The following GRIA2 variants were observed in gnomAD, a reference collection of about 807,000 sequenced individuals.
GRIA2 encodes glutamate ionotropic receptor AMPA type subunit 2, also known as glutamate receptor 2.
In GRIA2, 14 loss-of-function variants were observed where a neutral mutation model predicts 97.3. The ratio of observed to expected loss-of-function variants is 0.14; its 90% CI spans 0.10 to 0.23. The LOEUF (loss-of-function observed/expected upper bound fraction) is 0.23. Among genes scored for constraint, GRIA2 ranks in the 10% least tolerant of loss-of-function variants. The pLI, the probability that GRIA2 is intolerant of heterozygous loss-of-function variation, is 1.00. For synonymous variants in GRIA2, 412 were observed against 387.8 expected, an observed-to-expected ratio of 1.06 and a Z score of -0.73; for missense variants, 558 against 1,069.8, an observed-to-expected ratio of 0.52 and a Z score of 6.67.
intron 3 of GRIA2, among the ~76,000 whole-genome samples, chr4:157,310,575 A>G (rs1734036060): frequency 6.6e-6 from 1 of 151,992 alleles, no homozygotes; most frequent in Non-Finnish European, 1.5e-5. Flanking sequence ...ACATCCTGCC[A>G]TCTCATCTGT....
intron 10 of GRIA2, among the ~76,000 whole-genome samples, chr4:157,336,149 T>A (rs1024696687): frequency 6.6e-6 from 1 of 152,026 alleles, no homozygotes; most frequent in Admixed American, 6.6e-5. Flanking sequence ...GCAGTGCAGA[T>A]GTGTAATGAT....
chr4:157,294,850 A>G (rs1283580660), intron 2 of GRIA2, among the ~76,000 whole-genome samples: 1 of 152,122 alleles, frequency 6.6e-6, no homozygotes. Flanking sequence ...TTCAAATTTC[A>G]TCAGGGCATA....
chr4:157,298,089 C>T (rs1305549181), intron 2 of GRIA2, among the ~76,000 whole-genome samples: 3 of 151,852 alleles, frequency 2.0e-5, no homozygotes, highest in East Asian at 3.9e-4. Context: ...TGACTGATGC[C>T]TTTATGTGAT....
At chr4:157,262,492 C>T (rs1369976994) in intron 2 of GRIA2, among the ~76,000 whole-genome samples, 1 of 151,998 alleles carries the variant, frequency 6.6e-6, no homozygotes, top group East Asian at 1.9e-4. Context: ...GTTATGAACT[C>T]CCAACAAATT....
chr4:157,291,894 G>A (rs1163961088), intron 2 of GRIA2, among the ~76,000 whole-genome samples: 1 of 151,730 alleles, frequency 6.6e-6, no homozygotes, highest in Non-Finnish European at 1.5e-5. Context: ...AAAGCCAATG[G>A]TACTATCAAT....
intron 2 of GRIA2, among the ~76,000 whole-genome samples, chr4:157,256,239 TATATATA>T (rs1731259513): frequency 1.4e-5 from 1 of 72,018 alleles, no homozygotes; most frequent in South Asian, 3.4e-4. Context: ...ATATAATATA[TATATATA>T]ATATATAAAT....
intron 1 of GRIA2, 72 bp from the exon 2 acceptor site, chr4:157,221,595 G>C: frequency 6.6e-7 from 1 of 1,503,976 alleles, no homozygotes; most frequent in South Asian, 1.2e-5. Context: ...ATTTTTGGGC[G>C]CTAGCGCGCG....
At chr4:157,360,673 T>C (rs1560783925) in intron 13 of GRIA2, 1 of 482,302 alleles carries the variant, frequency 2.1e-6, no homozygotes, top group South Asian at 1.6e-5. Context: ...TAGTTAACTC[T>C]TTGTATTCCT....
intron 2 of GRIA2, among the ~76,000 whole-genome samples, chr4:157,227,528 A>G (rs555970621): frequency 6.6e-6 from 1 of 152,358 alleles, no homozygotes; most frequent in Non-Finnish European, 1.5e-5. Flanking sequence ...AAATGCTATT[A>G]CAAGAAATAA....
At chr4:157,267,276 T>C (rs996238750) in intron 2 of GRIA2, among the ~76,000 whole-genome samples, 1 of 149,206 alleles carries the variant, frequency 6.7e-6, no homozygotes, top group Non-Finnish European at 1.5e-5. Context: ...ATACAAAAAT[T>C]AACCAGGCAT....
chr4:157,348,008 C>T (rs988067973), intron 12 of GRIA2, among the ~76,000 whole-genome samples: 3 of 151,618 alleles, frequency 2.0e-5, no homozygotes, highest in African/African-American at 7.3e-5. Flanking sequence ...CCCAGCTACT[C>T]GGGAGGCTGA....
chr4:157,297,067 G>C (rs899445805), intron 2 of GRIA2, among the ~76,000 whole-genome samples: 13 of 152,094 alleles, frequency 8.5e-5, no homozygotes, highest in African/African-American at 2.9e-4. Context: ...TAAGCAGGAG[G>C]GTTATATCTG....
At chr4:157,294,257 C>T (rs1309643882) in intron 2 of GRIA2, among the ~76,000 whole-genome samples, 5 of 149,302 alleles carry the variant, frequency 3.3e-5, no homozygotes, top group African/African-American at 7.4e-5. Flanking sequence ...GTCATTTGAA[C>T]ATTTTTCAGT....
chr4:157,271,573 A>G (rs918778510), intron 2 of GRIA2, among the ~76,000 whole-genome samples: 2 of 152,126 alleles, frequency 1.3e-5, no homozygotes, highest in African/African-American at 2.4e-5. Context: ...AAACCTCCAC[A>G]TATTCCACTA....
At chr4:157,261,716 G>T (rs1202701472) in intron 2 of GRIA2, among the ~76,000 whole-genome samples, 1 of 152,074 alleles carries the variant, frequency 6.6e-6, no homozygotes, top group Non-Finnish European at 1.5e-5. Context: ...GTATTTGTTA[G>T]TTCAGCTCAG....
intron 12 of GRIA2, among the ~76,000 whole-genome samples, chr4:157,353,625 G>A (rs1230386155): frequency 6.6e-6 from 1 of 152,082 alleles, no homozygotes; most frequent in South Asian, 2.1e-4. Flanking sequence ...GCAGTGAGCC[G>A]AGATAGGAGA....
intron 2 of GRIA2, among the ~76,000 whole-genome samples, chr4:157,242,817 A>T (rs150561455): frequency 0.025 from 3,741 of 152,172 alleles, 99 homozygotes; most frequent in Middle Eastern, 0.13. Context: ...CTTTCTTAAT[A>T]TATTTTGATC....
intron 2 of GRIA2, among the ~76,000 whole-genome samples, chr4:157,254,927 GT>G (rs1285244271): frequency 1.3e-5 from 2 of 152,018 alleles, no homozygotes; most frequent in Admixed American, 6.6e-5. Flanking sequence ...AGTGCACATA[GT>G]TTTAAAATGT....
At chr4:157,329,892 T>A (rs780017787) in intron 6 of GRIA2, among the ~76,000 whole-genome samples, 1 of 151,928 alleles carries the variant, frequency 6.6e-6, no homozygotes, top group Non-Finnish European at 1.5e-5. Context: ...GGACCATTGG[T>A]CATCATAATT....
Sources: allele counts gnomAD v4.1 joint callset (sites outside exome capture counted in the v4.1 genomes callset), GRCh38; gene constraint gnomAD v4.1.1; transcripts MANE v1.5; gene names NCBI Gene and HGNC (gene_info 2026-07-23, HGNC 2026-07-21).